Variants in OPCML observed in about 807,000 individuals in gnomAD.
OPCML encodes the protein opioid binding protein/cell adhesion molecule like.
In OPCML, 13 loss-of-function variants were observed where a neutral mutation model predicts 37.8. That is an observed-to-expected ratio of 0.34 (90% CI 0.22 to 0.55). The LOEUF is 0.55. Ranked by LOEUF, OPCML falls within the 20% of genes least tolerant of loss-of-function variation. The pLI, the probability that OPCML is intolerant of heterozygous loss-of-function variation, is 0.91. For missense variants in OPCML, 341 were observed against 435.6 expected (o/e 0.78, Z 1.93); for synonymous variants, 176 against 168.8 (o/e 1.04, Z -0.33).
At chr11:133,031,567 T>A (rs1274079937) in intron 1 of OPCML, among the ~76,000 whole-genome samples, 2 of 150,038 alleles carry the variant, frequency 1.3e-5, no homozygotes, top group Non-Finnish European at 3.0e-5. Flanking sequence ...GGTGGATGGA[T>A]GGGTAGATGG....
intron 1 of OPCML, among the ~76,000 whole-genome samples, chr11:132,999,572 G>T (rs112320898): frequency 6.6e-6 from 1 of 150,754 alleles, no homozygotes; most frequent in Non-Finnish European, 1.5e-5. Flanking sequence ...ATGGGGTCGG[G>T]GGGGGAATGC....
intron 2 of OPCML, among the ~76,000 whole-genome samples, chr11:132,821,512 C>T (rs1188438504): frequency 6.6e-6 from 1 of 152,178 alleles, no homozygotes; most frequent in Non-Finnish European, 1.5e-5. Flanking sequence ...GCTCTGATTC[C>T]CTCCTGGAAA....
At chr11:133,281,207 G>T (rs147473000) in intron 1 of OPCML, among the ~76,000 whole-genome samples, 1 of 152,132 alleles carries the variant, frequency 6.6e-6, no homozygotes, top group African/African-American at 2.4e-5. Flanking sequence ...GATATTTGTC[G>T]CCTCCAAACC....
intron 1 of OPCML, among the ~76,000 whole-genome samples, chr11:133,458,754 T>TAC (rs1379634611): frequency 7.0e-6 from 1 of 142,944 alleles, no homozygotes; most frequent in Non-Finnish European, 1.5e-5. Context: ...TGTGTATATA[T>TAC]ACACATAGAT....
intron 1 of OPCML, among the ~76,000 whole-genome samples, chr11:133,449,282 T>G (rs1262020268): frequency 6.6e-6 from 1 of 152,234 alleles, no homozygotes; most frequent in African/African-American, 2.4e-5. Flanking sequence ...TAAGTTTTGC[T>G]GGACATAAAG....
chr11:132,587,564 G>A (rs2096475696), intron 3 of OPCML, among the ~76,000 whole-genome samples: 1 of 152,190 alleles, frequency 6.6e-6, no homozygotes, highest in Non-Finnish European at 1.5e-5. Context: ...GTTGGAGGAG[G>A]ACAAAGGACT....
At chr11:133,321,149 G>T (rs887692217) in intron 1 of OPCML, among the ~76,000 whole-genome samples, 1 of 152,056 alleles carries the variant, frequency 6.6e-6, no homozygotes, top group African/African-American at 2.4e-5. Flanking sequence ...TAGAAATTAA[G>T]ATAAGGAAAT....
intron 2 of OPCML, among the ~76,000 whole-genome samples, chr11:132,727,655 T>A (rs1368427430): frequency 1.3e-5 from 2 of 152,186 alleles, no homozygotes; most frequent in Admixed American, 1.3e-4. Flanking sequence ...ATGATTTAAT[T>A]GGCCTAGGGT....
At chr11:133,495,489 A>G (rs1480773079) in intron 1 of OPCML, among the ~76,000 whole-genome samples, 2 of 152,186 alleles carry the variant, frequency 1.3e-5, no homozygotes. Context: ...ACTGTTTTCC[A>G]TAGTGGCTGT....
chr11:133,140,838 AGACGACGACGACGAC>A (rs1555102462), intron 1 of OPCML, among the ~76,000 whole-genome samples: 538 of 22,480 alleles, frequency 0.024, 93 homozygotes, highest in African/African-American at 0.034. Flanking sequence ...ACGACGAAGA[AGACGACGACGACGAC>A]GAAGAAGACG....
chr11:132,538,862 T>G (rs1263335339), intron 3 of OPCML, among the ~76,000 whole-genome samples: 1 of 152,204 alleles, frequency 6.6e-6, no homozygotes, highest in Non-Finnish European at 1.5e-5. Flanking sequence ...CACTTTTGCA[T>G]GTGCTGTTCC....
chr11:133,150,404 C>T (rs180831768), intron 1 of OPCML, among the ~76,000 whole-genome samples: 304 of 152,260 alleles, frequency 2.0e-3, no homozygotes, highest in South Asian at 3.3e-3. Flanking sequence ...GATGCAGGTG[C>T]GAAATGGTGC....
In OPCML at chr11:132,599,526, C is replaced by A. The variant is rs572745380; in HGVS notation, c.379+57561G>T. ...TAAGCCAAGCATAAACCGAAGCTCT[C>A]TGACACAAAAATACAACTCCAAATG... is the stretch of plus-strand genomic sequence containing the variant. On this transcript the variant is annotated intron_variant, in intron 3 of 7. Transcript: ENST00000524381. Among the ~76,000 whole-genome samples the A allele has an allele frequency of 2.6e-5, 4 of 152,238 alleles. No homozygotes were observed. The East Asian group carries it at 7.7e-4, about 29-fold the overall frequency.
chr11:133,254,760 A>G (rs1186085701), intron 1 of OPCML, among the ~76,000 whole-genome samples: 2 of 152,182 alleles, frequency 1.3e-5, no homozygotes, highest in African/African-American at 2.4e-5. Context: ...GGAGAGAGTC[A>G]AGTTTGCAGG....
rs904426680 is a variant in OPCML, at chr11:133,478,529, C to G, written c.61+53735G>C. Among the ~76,000 whole-genome samples, 17 of 152,058 alleles carry G rather than the reference C, an allele frequency of 1.1e-4. No homozygotes were observed. In the East Asian group the frequency reaches 2.9e-3, roughly 26 times the overall value. ...CCTCCATGTCCCAACCCCAAATATA[C>G]CACCTGTACTGCTTAAGAGAATCAT... On this transcript the variant is annotated intron_variant, in intron 1 of 7. Coordinates refer to ENST00000524381, the MANE Select transcript of OPCML (RefSeq NM_001012393.5).
At chr11:132,856,233 A>T (rs142178833) in intron 2 of OPCML, among the ~76,000 whole-genome samples, 3 of 152,346 alleles carry the variant, frequency 2.0e-5, no homozygotes, top group South Asian at 4.1e-4. Flanking sequence ...AATCGATTGA[A>T]GCATAATCAA....
At chr11:132,918,909 C>T (rs907662710) in intron 2 of OPCML, among the ~76,000 whole-genome samples, 2 of 152,150 alleles carry the variant, frequency 1.3e-5, no homozygotes, top group Non-Finnish European at 2.9e-5. Context: ...TCTTTGGACA[C>T]TTGTGTATGA....
intron 2 of OPCML, among the ~76,000 whole-genome samples, chr11:132,730,017 T>TTC (rs1404515998): frequency 7.0e-6 from 1 of 142,510 alleles, no homozygotes; most frequent in Admixed American, 7.0e-5. Context: ...ACTTTTTTTT[T>TTC]TTTTTTTTTT....
At chr11:132,530,435 A>G (rs2096321394) in intron 3 of OPCML, among the ~76,000 whole-genome samples, 1 of 151,720 alleles carries the variant, frequency 6.6e-6, no homozygotes, top group African/African-American at 2.4e-5. Context: ...TGAACCTTCC[A>G]CCTGGTCTCT....
Sources: allele counts gnomAD v4.1 joint callset (sites outside exome capture counted in the v4.1 genomes callset), GRCh38; gene constraint gnomAD v4.1.1; transcripts MANE v1.5; gene names NCBI Gene and HGNC (gene_info 2026-07-23, HGNC 2026-07-21).